Variants in NR6A1 observed in about 807,000 individuals in gnomAD.
The protein encoded by NR6A1 is nuclear receptor subfamily 6 group A member 1.
Under a neutral mutation model 59.1 loss-of-function variants are expected in NR6A1, and 7 were observed. That is an observed-to-expected ratio of 0.12 (90% CI 0.07 to 0.22). The LOEUF (loss-of-function observed/expected upper bound fraction) is 0.22. Ranked by LOEUF, NR6A1 falls within the 10% of genes least tolerant of loss-of-function variation. The pLI, the probability that NR6A1 is intolerant of heterozygous loss-of-function variation, is 1.00. For synonymous variants in NR6A1, 243 were observed against 236.1 expected (o/e 1.03, Z -0.27); for missense variants, 468 against 611.6 (o/e 0.77, Z 2.48).
intron 2 of NR6A1, among the ~76,000 whole-genome samples, chr9:124,674,017 C>T (rs1374277143): frequency 6.6e-6 from 1 of 152,166 alleles, no homozygotes; most frequent in Non-Finnish European, 1.5e-5. Context: ...ATGTGACCCT[C>T]AGCAAACGAC....
intron 2 of NR6A1, among the ~76,000 whole-genome samples, chr9:124,690,452 A>C (rs1359065292): frequency 6.6e-6 from 1 of 152,184 alleles, no homozygotes; most frequent in East Asian, 1.9e-4. Context: ...TGTGAAATTA[A>C]GGAATGGCAT....
At chr9:124,551,198 G>C (rs1490738997) in intron 3 of NR6A1, among the ~76,000 whole-genome samples, 1 of 151,980 alleles carries the variant, frequency 6.6e-6, no homozygotes, top group Non-Finnish European at 1.5e-5. Context: ...CTGGGTGCTG[G>C]GTGTACTCAT....
chr9:124,537,693 C>T (rs553499313), intron 6 of NR6A1, among the ~76,000 whole-genome samples: 5 of 152,236 alleles, frequency 3.3e-5, no homozygotes, highest in South Asian at 4.1e-4. Flanking sequence ...CATGGGGATG[C>T]TGGTGAGGGG....
chr9:124,568,957 CA>C (rs1834358875), intron 2 of NR6A1, among the ~76,000 whole-genome samples: 1 of 151,694 alleles, frequency 6.6e-6, no homozygotes, highest in Admixed American at 6.6e-5. Context: ...ACTGAAAATA[CA>C]AAAAATTAGC....
At chr9:124,584,256 T>G (rs769056604) in intron 2 of NR6A1, among the ~76,000 whole-genome samples, 13 of 151,846 alleles carry the variant, frequency 8.6e-5, no homozygotes, top group Non-Finnish European at 7.4e-5. Flanking sequence ...TACAGGCGTA[T>G]GCCACCACAC....
At chr9:124,559,011 T>A (rs954688541) in intron 2 of NR6A1, among the ~76,000 whole-genome samples, 3 of 152,222 alleles carry the variant, frequency 2.0e-5, no homozygotes, top group African/African-American at 7.2e-5. Context: ...ATTATCTTGC[T>A]GGTACCAGGC....
At chr9:124,526,037 G>A (rs971220703) in intron 8 of NR6A1, among the ~76,000 whole-genome samples, 17 of 152,224 alleles carry the variant, frequency 1.1e-4, no homozygotes, top group Non-Finnish European at 2.2e-4. Context: ...TAGGCCAAGA[G>A]GAGAGGAGCT....
chr9:124,552,751 G>C (rs1323609825), intron 3 of NR6A1, among the ~76,000 whole-genome samples: 1 of 152,110 alleles, frequency 6.6e-6, no homozygotes, highest in African/African-American at 2.4e-5. Context: ...TTCAGTGGTA[G>C]AATATATATA....
At chr9:124,598,647 T>TAAA (rs34357133) in intron 2 of NR6A1, 3,398 of 160,778 alleles carry the variant, frequency 0.021, 190 homozygotes, top group African/African-American at 0.12. Flanking sequence ...AGAGTAAAAT[T>TAAA]AAAAAAAAAA....
intron 2 of NR6A1, among the ~76,000 whole-genome samples, chr9:124,587,478 C>G (rs911103546): frequency 6.6e-6 from 1 of 152,188 alleles, no homozygotes; most frequent in Admixed American, 6.5e-5. Flanking sequence ...GGTCCCTTCA[C>G]AGTTCTGAGG....
At chr9:124,657,482 G>T (rs983327290) in intron 2 of NR6A1, among the ~76,000 whole-genome samples, 18 of 152,132 alleles carry the variant, frequency 1.2e-4, no homozygotes, top group African/African-American at 4.1e-4. Context: ...CAGAGTCAAG[G>T]TCTCACAAAA....
intron 1 of NR6A1, among the ~76,000 whole-genome samples, chr9:124,768,168 T>G (rs1840991506): frequency 6.6e-6 from 1 of 152,194 alleles, no homozygotes; most frequent in Admixed American, 6.5e-5. Flanking sequence ...TAGGAAAACA[T>G]TTCTAAAATG....
At chr9:124,608,719 ACT>A (rs1835646871) in intron 2 of NR6A1, among the ~76,000 whole-genome samples, 1 of 152,322 alleles carries the variant, frequency 6.6e-6, no homozygotes, top group Non-Finnish European at 1.5e-5. Context: ...GAATCCACAC[ACT>A]GTCTTCCACA....
chr9:124,522,677 T>C lies in NR6A1; in HGVS notation c.*28A>G. 1 of 1,545,108 alleles carries C rather than the reference T, an allele frequency of 6.5e-7. No individual in the cohort carries two copies. Among genetic ancestry groups the C allele is most frequent in the Non-Finnish European group, 8.8e-7 (1 of 1,141,834 alleles). ...GTCCTGCCCACCCAAGACGCTGTGG[T>C]TGGCCTGAGGAGGGCGCCTGGAACA... On this transcript the variant is annotated 3_prime_UTR_variant, in exon 10 of 10. Transcript: ENST00000487099.
At chr9:124,704,412 T>C (rs1839062233) in intron 2 of NR6A1, among the ~76,000 whole-genome samples, 1 of 152,166 alleles carries the variant, frequency 6.6e-6, no homozygotes, top group South Asian at 2.1e-4. Flanking sequence ...CAGATGTTTG[T>C]TGCTGTTGTT....
In NR6A1 at chr9:124,746,406, C is replaced by A. The variant is rs768789885; in HGVS notation, c.101-13057G>T. Among the ~76,000 whole-genome samples, 10 of 152,116 alleles carry A rather than the reference C, an allele frequency of 6.6e-5. No homozygotes were observed. The South Asian group carries it at 2.1e-3, about 32-fold the overall frequency. ...GAGTTCAAGACCAGCCTGGTCACCA[C>A]GGTGAAACCCCATCTCTACTAAAAA... On this transcript the variant is annotated intron_variant, in intron 1 of 9. Coordinates refer to ENST00000487099, the MANE Select transcript of NR6A1 (RefSeq NM_033334.4).
chr9:124,581,077 G>A (rs1174136180), intron 2 of NR6A1, among the ~76,000 whole-genome samples: 2 of 152,026 alleles, frequency 1.3e-5, no homozygotes, highest in Admixed American at 1.3e-4. Context: ...ATTGAAATTG[G>A]ATCCCTTCCT....
chr9:124,529,376 T>G, intron 7 of NR6A1, among the ~76,000 whole-genome samples: 1 of 151,868 alleles, frequency 6.6e-6, no homozygotes, highest in East Asian at 1.9e-4. Flanking sequence ...ATTTACTGAG[T>G]CTCTATTATG....
chr9:124,764,183 CAAA>C (rs199757295), intron 1 of NR6A1, among the ~76,000 whole-genome samples: 3 of 117,696 alleles, frequency 2.5e-5, no homozygotes, highest in Admixed American at 8.9e-5. Flanking sequence ...GACTCCATCA[CAAA>C]AAAAAAAAAA....
Sources: allele counts gnomAD v4.1 joint callset (sites outside exome capture counted in the v4.1 genomes callset), GRCh38; gene constraint gnomAD v4.1.1; transcripts MANE v1.5; gene names NCBI Gene and HGNC (gene_info 2026-07-23, HGNC 2026-07-21).